SLC1A4: variants seen among roughly 807,000 people sequenced by gnomAD.
SLC1A4 encodes the protein neutral amino acid transporter A.
Under a neutral mutation model 37.7 loss-of-function variants are expected in SLC1A4, and 19 were observed. That is an observed-to-expected ratio of 0.50 (90% confidence interval 0.35 to 0.74). SLC1A4 has a LOEUF of 0.74. Among genes scored for constraint, SLC1A4 ranks in the 30% least tolerant of loss-of-function variants. The pLI, the probability that SLC1A4 is intolerant of heterozygous loss-of-function variation, is 0.01. For synonymous variants in SLC1A4, 299 were observed against 309.8 expected (o/e 0.97, Z 0.37); for missense variants, 570 against 712.9 (o/e 0.80, Z 2.28).
chr2:64,993,653 C>G (rs943784686), intron 1 of SLC1A4, among the ~76,000 whole-genome samples: 1 of 152,132 alleles, frequency 6.6e-6, no homozygotes, highest in Non-Finnish European at 1.5e-5. Context: ...TGGTTGGGCA[C>G]CAAAGAGACA....
In SLC1A4 at chr2:64,989,433, C is replaced by A; in HGVS notation, c.-211C>A. 2.4e-6 allele frequency: 1 copy of A among 409,414 alleles called. No individual in the cohort carries two copies. The highest frequency in any genetic ancestry group is 4.2e-6 in the Non-Finnish European group (1 of 236,438). 25.4% of individuals were successfully genotyped at this position (409,414 alleles called of 1,614,324 possible). On this transcript the variant is annotated 5_prime_UTR_variant, in exon 1 of 8. Transcript: ENST00000234256. ...CGGCGGCTGCTCCAGGGAGGCTGGG[C>A]GCGATCCTCTCCGCCCGCGGCTCCA... is the stretch of plus-strand genomic sequence containing the variant.
intron 4 of SLC1A4, among the ~76,000 whole-genome samples, chr2:65,011,766 T>C (rs1214067493): frequency 2.6e-5 from 4 of 152,130 alleles, no homozygotes; most frequent in African/African-American, 9.7e-5. Flanking sequence ...CCTCTGTGGC[T>C]TCTACCTAAT....
rs986547691 is a variant in SLC1A4 at position 65,021,978 on chromosome 2, G to C, written c.*832G>C. ...AGGCCTGGGCCTCTGATAACACTTT[G>C]GCTTTTTCTCCATTCACGCTGATTT... On this transcript the variant is annotated 3_prime_UTR_variant, in exon 8 of 8. Transcript: ENST00000234256. 2 of 152,282 alleles carry C rather than the reference G, an allele frequency of 1.3e-5. No individual in the cohort carries two copies. Among genetic ancestry groups the C allele is most frequent in the African/African-American group, 4.8e-5 (2 of 41,456 alleles). The allele number at this position is 152,282 out of a possible 1,614,324, so 9.4% of individuals were successfully genotyped here.
rs750195790 is a variant in SLC1A4, at chr2:65,016,443, C to T, written c.804C>T (p.Tyr268=). Residue 268 remains tyrosine, a synonymous_variant, in exon 5 of 8, where the codon TAC becomes TAT. Transcript: ENST00000234256. The stretch of plus-strand genomic sequence containing the variant: ...GTACCCTGTGCTTGTGCCCTAGGTA[C>T]GTACCTGTGGGCATCATGTTCCTTG... ...TMVLVSWIMW[Y]VPVGIMFLVG... 29 of 1,613,398 alleles carry T rather than the reference C, an allele frequency of 1.8e-5. No homozygotes were observed. The highest frequency in any genetic ancestry group is 2.3e-5 in the Non-Finnish European group (27 of 1,179,330).
intron 1 of SLC1A4, among the ~76,000 whole-genome samples, chr2:64,997,140 A>T (rs1467623123): frequency 6.6e-6 from 1 of 152,056 alleles, no homozygotes; most frequent in Non-Finnish European, 1.5e-5. Flanking sequence ...ATGAAAGCAA[A>T]GGAGGATGCT....
At chr2:65,012,079 GTTTT>G (rs928083560) in intron 4 of SLC1A4, among the ~76,000 whole-genome samples, 5 of 149,764 alleles carry the variant, frequency 3.3e-5, no homozygotes, top group South Asian at 2.1e-4. Flanking sequence ...GCTTCTACTT[GTTTT>G]TTTGTTTTGT....
intron 1 of SLC1A4, among the ~76,000 whole-genome samples, chr2:64,995,549 C>A (rs1013639769): frequency 1.3e-5 from 2 of 152,168 alleles, no homozygotes; most frequent in African/African-American, 4.8e-5. Context: ...TGGATTCACA[C>A]CCCCATCATC....
In SLC1A4 at chr2:64,990,286, G is replaced by A. The variant is rs1048811007; in HGVS notation, c.527+116G>A. On this transcript the variant is annotated intron_variant, in intron 1 of 7. Transcript: ENST00000234256. Reference sequence around the variant, plus strand: ...AAGAGTTAATTCTTAGCTGGCTGCTGGTGGCGTTTAACGTTTTAAAAATAT... The same window carrying A: ...AAGAGTTAATTCTTAGCTGGCTGCTAGTGGCGTTTAACGTTTTAAAAATAT... 6.6e-6 allele frequency: 7 copies of A among 1,060,994 alleles called. No individual in the cohort carries two copies. In the Admixed American group the frequency reaches 9.6e-5, roughly 15 times the overall value. 65.7% of individuals were successfully genotyped at this position (1,060,994 alleles called of 1,614,324 possible).
intron 1 of SLC1A4, among the ~76,000 whole-genome samples, chr2:64,991,195 C>A (rs1197751664): frequency 2.0e-5 from 3 of 152,150 alleles, no homozygotes; most frequent in Non-Finnish European, 4.4e-5. Flanking sequence ...AAACCCTGGG[C>A]AAAGTGACTT....
chr2:64,995,255 G>A (rs1673207543), intron 1 of SLC1A4, among the ~76,000 whole-genome samples: 1 of 152,180 alleles, frequency 6.6e-6, no homozygotes, highest in East Asian at 1.9e-4. Flanking sequence ...TGCTGTACGT[G>A]CACAAGTCGT....
chr2:64,991,674 C>T (rs1213117065), intron 1 of SLC1A4, among the ~76,000 whole-genome samples: 1 of 152,084 alleles, frequency 6.6e-6, no homozygotes, highest in Admixed American at 6.5e-5. Context: ...GATCTCGGCT[C>T]ACTGCAAGCT....
chr2:64,990,213 G>T, intron 1 of SLC1A4, 43 bp downstream of exon 1: 1 of 1,495,530 alleles, frequency 6.7e-7, no homozygotes, highest in Middle Eastern at 1.8e-4. Context: ...GGAGACGCCA[G>T]TTCTCGGATG....
intron 2 of SLC1A4, among the ~76,000 whole-genome samples, chr2:65,001,848 T>C (rs1558517700): frequency 6.6e-6 from 1 of 152,052 alleles, no homozygotes; most frequent in Non-Finnish European, 1.5e-5. Context: ...ATGTGCTCAC[T>C]GCAAAAAAAT....
Position 65,020,836 on chromosome 2 carries a change from C to T in SLC1A4, c.1365-76C>T, listed in dbSNP as rs952186253. 1.9e-5 allele frequency: 23 copies of T among 1,209,038 alleles called. No individual in the cohort carries two copies. The African/African-American group carries it at 1.9e-4, about 10-fold the overall frequency. The allele number at this position is 1,209,038 out of a possible 1,614,324, so 74.9% of individuals were successfully genotyped here. A position where few individuals can be genotyped will look rare whatever the true frequency, so the allele number is the denominator to read the frequency against. ...GCCCCTCACAATCATGACTTTCCTT[C>T]GGCATCCAGGCTGCCTGTGACAGGA... On this transcript the variant is annotated intron_variant, in intron 7 of 7. Transcript: ENST00000234256.
intron 1 of SLC1A4, among the ~76,000 whole-genome samples, chr2:64,998,109 C>T (rs1285180397): frequency 2.6e-5 from 4 of 152,020 alleles, no homozygotes; most frequent in East Asian, 1.9e-4. Flanking sequence ...TGGTGGCGGG[C>T]GCCTGTAGTC....
At chr2:64,993,905 T>C (rs577022530) in intron 1 of SLC1A4, among the ~76,000 whole-genome samples, 2 of 152,354 alleles carry the variant, frequency 1.3e-5, no homozygotes, top group East Asian at 3.9e-4. Flanking sequence ...ACCTGTGCTC[T>C]TGTTATAAAT....
At chr2:65,003,461 G>A (rs982107496) in intron 2 of SLC1A4, among the ~76,000 whole-genome samples, 1 of 152,180 alleles carries the variant, frequency 6.6e-6, no homozygotes, top group African/African-American at 2.4e-5. Flanking sequence ...TTTCAAGAGT[G>A]GAGGCTCAAG....
intron 3 of SLC1A4, among the ~76,000 whole-genome samples, chr2:65,004,891 C>A (rs1379805460): frequency 3.3e-5 from 5 of 152,094 alleles, no homozygotes; most frequent in Non-Finnish European, 7.4e-5. Flanking sequence ...GAAATACATG[C>A]TAAATAAAGA....
chr2:65,001,410 T>C lies in SLC1A4; in HGVS notation c.528-38T>C, dbSNP rs374583773. Reference sequence around the variant, plus strand: ...GGGACCTCATCTCTAAAAAATTGTTTTAAAAGAATACTGACAGAATGCTTT... The same window carrying C: ...GGGACCTCATCTCTAAAAAATTGTTCTAAAAGAATACTGACAGAATGCTTT... On this transcript the variant is annotated intron_variant, in intron 1 of 7. Transcript: ENST00000234256. The C allele has an allele frequency of 1.4e-5, 23 of 1,604,926 alleles. No homozygotes were observed. In the African/African-American group the frequency reaches 2.8e-4, roughly 20 times the overall value.
Sources: gnomAD v4.1 joint callset for allele counts (sites outside exome capture counted in the v4.1 genomes callset) on GRCh38, gnomAD v4.1.1 for gene constraint, MANE v1.5 for transcripts, NCBI Gene and HGNC (gene_info 2026-07-23, HGNC 2026-07-21) for gene names.